The following BMP6 variants were observed in gnomAD, a reference collection of about 807,000 sequenced individuals.
BMP6 encodes the protein VG-1-R.
A neutral mutation model predicts 54.1 loss-of-function variants in BMP6; 17 were observed. The ratio of observed to expected loss-of-function variants is 0.31; its 90% CI spans 0.22 to 0.47. The LOEUF is 0.47. BMP6 is among the 20% of genes least tolerant of loss of function. The pLI is 1.00. For missense variants in BMP6, 720 were observed against 690.4 expected (o/e 1.04, Z -0.48); for synonymous variants, 328 against 291.2 (o/e 1.13, Z -1.28).
chr6:7,735,640 G>T (rs955682275), intron 1 of BMP6, among the ~76,000 whole-genome samples: 4 of 152,014 alleles, frequency 2.6e-5, no homozygotes, highest in African/African-American at 9.7e-5. Flanking sequence ...GCAAAATTTT[G>T]CAGAGATTTC....
chr6:7,806,127 G>A (rs1346031720), intron 1 of BMP6, among the ~76,000 whole-genome samples: 1 of 152,244 alleles, frequency 6.6e-6, no homozygotes, highest in Non-Finnish European at 1.5e-5. Flanking sequence ...TAACCACTTG[G>A]TGCCAGCCTC....
At chr6:7,857,763 C>T (rs931850247) in intron 2 of BMP6, among the ~76,000 whole-genome samples, 1 of 152,184 alleles carries the variant, frequency 6.6e-6, no homozygotes, top group Non-Finnish European at 1.5e-5. Context: ...GTGGGTCAGA[C>T]CAGAACCGTT....
At chr6:7,808,216 G>C (rs909359910) in intron 1 of BMP6, among the ~76,000 whole-genome samples, 1 of 152,156 alleles carries the variant, frequency 6.6e-6, no homozygotes, top group Non-Finnish European at 1.5e-5. Context: ...CACCGCGCCC[G>C]GCCTTAAATG....
chr6:7,857,977 G>T (rs558551004), intron 2 of BMP6, among the ~76,000 whole-genome samples: 11 of 152,246 alleles, frequency 7.2e-5, no homozygotes, highest in African/African-American at 1.2e-4. Flanking sequence ...GGTCACTGGG[G>T]CTCCACCACT....
intron 1 of BMP6, among the ~76,000 whole-genome samples, chr6:7,742,176 G>A (rs1313651568): frequency 6.6e-6 from 1 of 152,144 alleles, no homozygotes; most frequent in Non-Finnish European, 1.5e-5. Context: ...TTACCTTCTT[G>A]CAGGGTTTAT....
chr6:7,862,453 C>G lies in BMP6; in HGVS notation c.1159C>G (p.Arg387Gly). ...CCGGCGCCGACAACAGAGTCGTAAT[C>G]GCTCTACCCAGTCCCAGGACGTGGC... ...SSRRRQQSRN[R>G]STQSQDVARV... Residue 387 changes from arginine to glycine, a missense_variant, in exon 4 of 7, where the codon CGC becomes GGC. Around this residue, in one of 3 missense-constraint regions of BMP6, gnomAD observed 650 missense variants for 556.3 expected, o/e 1.17. Coordinates refer to ENST00000283147, the MANE Select transcript of BMP6 (RefSeq NM_001718.6). The G allele has an allele frequency of 6.2e-7, 1 of 1,614,190 alleles. No individual in the cohort carries two copies. The highest frequency in any genetic ancestry group is 8.5e-7 in the Non-Finnish European group (1 of 1,180,044).
intron 1 of BMP6, among the ~76,000 whole-genome samples, chr6:7,786,386 TA>T (rs1235724377): frequency 1.3e-5 from 2 of 152,094 alleles, no homozygotes; most frequent in Non-Finnish European, 2.9e-5. Context: ...TGCTCACACT[TA>T]GAGAATTCTG....
intron 1 of BMP6, among the ~76,000 whole-genome samples, chr6:7,777,473 C>G (rs1359405769): frequency 6.6e-6 from 1 of 152,144 alleles, no homozygotes; most frequent in Non-Finnish European, 1.5e-5. Flanking sequence ...GGAATGCCCC[C>G]CTCTGGCTCC....
At chr6:7,844,817 C>T (rs1310064591) in intron 1 of BMP6, among the ~76,000 whole-genome samples, 1 of 152,202 alleles carries the variant, frequency 6.6e-6, no homozygotes, top group Non-Finnish European at 1.5e-5. Context: ...TGAAGTCATA[C>T]TCTTCCCATT....
chr6:7,753,114 A>G (rs1165338583), intron 1 of BMP6, among the ~76,000 whole-genome samples: 1 of 152,200 alleles, frequency 6.6e-6, no homozygotes. Context: ...CATTAAAGAA[A>G]GGTTTCAGAA....
rs1759710430 is a variant in BMP6 at position 7,880,890 on chromosome 6, C to T, written c.*547C>T. On this transcript the variant is annotated 3_prime_UTR_variant, in exon 7 of 7. Coordinates refer to ENST00000283147, the MANE Select transcript of BMP6 (RefSeq NM_001718.6). ...CCAGGGCTCCACGGGGCGCCCTTGT[C>T]TCAGTCATTGCTGTTGTATGTTCGT... is the stretch of plus-strand genomic sequence containing the variant. The T allele has an allele frequency of 6.4e-6, 1 of 155,600 alleles. No individual in the cohort carries two copies. The highest frequency in any genetic ancestry group is 1.4e-5 in the Non-Finnish European group (1 of 69,962). 9.6% of individuals were successfully genotyped at this position (155,600 alleles called of 1,614,324 possible).
At chr6:7,832,509 G>A (rs1758808371) in intron 1 of BMP6, among the ~76,000 whole-genome samples, 1 of 151,986 alleles carries the variant, frequency 6.6e-6, no homozygotes, top group African/African-American at 2.4e-5. Flanking sequence ...ATACATTTGT[G>A]TTGTTTGTGA....
At chr6:7,833,806 T>C (rs1171408278) in intron 1 of BMP6, among the ~76,000 whole-genome samples, 1 of 152,212 alleles carries the variant, frequency 6.6e-6, no homozygotes, top group Non-Finnish European at 1.5e-5. Context: ...GTGAGAGGAA[T>C]GTGTCCCACA....
At chr6:7,755,124 A>C (rs2113133715) in intron 1 of BMP6, among the ~76,000 whole-genome samples, 1 of 152,348 alleles carries the variant, frequency 6.6e-6, no homozygotes, top group Non-Finnish European at 1.5e-5. Context: ...TATTTCTTGA[A>C]GCAACCTAAC....
chr6:7,741,219 G>A (rs540407840), intron 1 of BMP6, among the ~76,000 whole-genome samples: 51 of 152,314 alleles, frequency 3.3e-4, no homozygotes, highest in Non-Finnish European at 6.6e-4. Context: ...TGGCTCTTTA[G>A]AAGAACATTT....
chr6:7,743,273 G>T (rs1473124131), intron 1 of BMP6, among the ~76,000 whole-genome samples: 1 of 152,172 alleles, frequency 6.6e-6, no homozygotes, highest in South Asian at 2.1e-4. Flanking sequence ...ATTTTGGGGG[G>T]CTGTATTTAG....
intron 1 of BMP6, among the ~76,000 whole-genome samples, chr6:7,735,949 C>G (rs1581225901): frequency 6.6e-6 from 1 of 152,224 alleles, no homozygotes; most frequent in East Asian, 1.9e-4. Flanking sequence ...TATAAAAATT[C>G]AAAATACGCA....
intron 1 of BMP6, among the ~76,000 whole-genome samples, chr6:7,841,549 G>A (rs1178318885): frequency 1.3e-5 from 2 of 152,212 alleles, no homozygotes; most frequent in East Asian, 1.9e-4. Context: ...ACATTCAATC[G>A]CAGGCAAAAG....
At chr6:7,869,758 T>C (rs9505292) in intron 4 of BMP6, among the ~76,000 whole-genome samples, 1 of 152,136 alleles carries the variant, frequency 6.6e-6, no homozygotes, top group Non-Finnish European at 1.5e-5. Flanking sequence ...GGAAGCTGAT[T>C]GTCAGGTCCA....
Sources: gnomAD v4.1 joint callset for allele counts (sites outside exome capture counted in the v4.1 genomes callset) on GRCh38, gnomAD v4.1.1 for gene constraint, gnomAD v4.1.1 regional missense constraint, MANE v1.5 for transcripts, NCBI Gene and HGNC (gene_info 2026-07-23, HGNC 2026-07-21) for gene names.